The following RTF1 variants were observed in gnomAD, a reference collection of about 807,000 sequenced individuals.
RTF1 encodes RTF1 homolog, Paf1/RNA polymerase II complex component, also known as RNA polymerase-associated protein RTF1 homolog.
Under a neutral mutation model 95.7 loss-of-function variants are expected in RTF1, and 10 were observed. The ratio of observed to expected loss-of-function variants is 0.10; its 90% confidence interval spans 0.06 to 0.18. The LOEUF is 0.18. Among genes scored for constraint, RTF1 ranks in the 10% least tolerant of loss-of-function variants. RTF1 has a pLI of 1.00. For missense variants in RTF1, 458 were observed against 875.6 expected, an observed-to-expected ratio of 0.52 and a Z score of 6.02; for synonymous variants, 305 against 311.8, an observed-to-expected ratio of 0.98 and a Z score of 0.23.
chr15:41,431,634 A>T (rs149281353), intron 1 of RTF1, among the ~76,000 whole-genome samples: 2 of 151,728 alleles, frequency 1.3e-5, no homozygotes, highest in Non-Finnish European at 2.9e-5. Flanking sequence ...AGTAGCTGAG[A>T]CTATAGGCAT....
chr15:41,464,331 A>G (rs113443871), intron 4 of RTF1, among the ~76,000 whole-genome samples: 4,513 of 146,780 alleles, frequency 0.031, 249 homozygotes, highest in African/African-American at 0.11. Context: ...GCTCATTGCA[A>G]CCTCCCTCCC....
Position 41,483,191 on chromosome 15 carries a change from A to G in RTF1, c.*2504A>G, listed in dbSNP as rs1029085286. On this transcript the variant is annotated 3_prime_UTR_variant, in exon 18 of 18. Coordinates refer to ENST00000389629, the MANE Select transcript of RTF1 (RefSeq NM_015138.5). Reference sequence around the variant, plus strand: ...GTGCCTCTGAACCAAGATCTTGGTCAGGCATTAAGACACTGGCTTTGTCCT... The same window carrying G: ...GTGCCTCTGAACCAAGATCTTGGTCGGGCATTAAGACACTGGCTTTGTCCT... 6.6e-6 allele frequency: 1 copy of G among 152,610 alleles called. No individual in the cohort carries two copies. The highest frequency in any genetic ancestry group is 2.4e-5 in the African/African-American group (1 of 41,446). 9.5% of individuals were successfully genotyped at this position (152,610 alleles called of 1,614,324 possible).
intron 1 of RTF1, among the ~76,000 whole-genome samples, chr15:41,428,018 C>T (rs1030114409): frequency 6.6e-5 from 10 of 151,660 alleles, no homozygotes; most frequent in Admixed American, 5.9e-4. Flanking sequence ...ATCTCCTGAC[C>T]TCAGGTGATC....
intron 14 of RTF1, 50 bp downstream of exon 14, chr15:41,477,565 T>G: frequency 6.5e-7 from 1 of 1,531,094 alleles, no homozygotes; most frequent in South Asian, 1.1e-5. Context: ...TAATAAACCA[T>G]GACATCTTTT....
At chr15:41,476,582 T>G in intron 12 of RTF1, 59 bp downstream of exon 12, 2 of 1,469,750 alleles carry the variant, frequency 1.4e-6, no homozygotes, top group Non-Finnish European at 1.9e-6. Flanking sequence ...GAAATCAAAC[T>G]TGTTCATCCT....
At chr15:41,461,783 C>G (rs1012078781) in intron 4 of RTF1, among the ~76,000 whole-genome samples, 4 of 151,570 alleles carry the variant, frequency 2.6e-5, no homozygotes, top group African/African-American at 9.7e-5. Flanking sequence ...GCCACCGTGC[C>G]CGCCGGCCTG....
intron 6 of RTF1, among the ~76,000 whole-genome samples, chr15:41,468,113 C>T (rs370635848): frequency 4.9e-4 from 75 of 152,104 alleles, no homozygotes; most frequent in African/African-American, 1.8e-3. Context: ...TTGCAGTGAG[C>T]CAAGATCCTA....
chr15:41,470,816 G>T (rs564403426), intron 7 of RTF1, among the ~76,000 whole-genome samples: 2 of 151,854 alleles, frequency 1.3e-5, no homozygotes, highest in East Asian at 1.9e-4. Context: ...CCGCCACTAC[G>T]CCCGGCTAAT....
rs1217684670 is a variant in RTF1, at chr15:41,482,821, T to G, written c.*2134T>G. 1 of 152,518 alleles carries G rather than the reference T, an allele frequency of 6.6e-6. No individual in the cohort carries two copies. The highest frequency in any genetic ancestry group is 1.5e-5 in the Non-Finnish European group (1 of 68,042). 9.4% of individuals were successfully genotyped at this position (152,518 alleles called of 1,614,324 possible). On this transcript the variant is annotated 3_prime_UTR_variant, in exon 18 of 18. Transcript: ENST00000389629. ...TCCTATCATGATGAACTTGGACTTT[T>G]TTTTTTGATTTCTGGTTTTAAAAAA...
chr15:41,447,922 G>A (rs2050771661), intron 2 of RTF1, among the ~76,000 whole-genome samples: 1 of 152,154 alleles, frequency 6.6e-6, no homozygotes, highest in Admixed American at 6.6e-5. Flanking sequence ...CCTTCTGGAT[G>A]GGGAAAGTAT....
intron 1 of RTF1, among the ~76,000 whole-genome samples, chr15:41,436,049 G>A (rs542250393): frequency 6.6e-6 from 1 of 152,178 alleles, no homozygotes; most frequent in Admixed American, 6.6e-5. Flanking sequence ...GTTCACACCT[G>A]TAATCCCAGC....
intron 2 of RTF1, among the ~76,000 whole-genome samples, chr15:41,449,453 G>T (rs933435408): frequency 6.6e-6 from 1 of 151,892 alleles, no homozygotes; most frequent in Non-Finnish European, 1.5e-5. Flanking sequence ...GGATGGTGTC[G>T]ATCTCCTGAC....
At chr15:41,449,702 G>A (rs1242291974) in intron 2 of RTF1, among the ~76,000 whole-genome samples, 2 of 151,494 alleles carry the variant, frequency 1.3e-5, no homozygotes, top group African/African-American at 4.8e-5. Flanking sequence ...ACTGTGGTGT[G>A]TTTCTCTAGT....
intron 1 of RTF1, 66 bp from the exon 2 acceptor site, chr15:41,438,254 AT>A (rs2050714978): frequency 9.2e-7 from 1 of 1,089,262 alleles, no homozygotes; most frequent in African/African-American, 1.6e-5. Flanking sequence ...GAGGGTGGGC[AT>A]TTTATTATTC....
Position 41,479,192 on chromosome 15 carries a change from G to C in RTF1, c.1908G>C (p.Met636Ile). 6.2e-7 allele frequency: 1 copy of C among 1,611,916 alleles called. No homozygotes were observed. Among genetic ancestry groups the C allele is most frequent in the Non-Finnish European group, 8.5e-7 (1 of 1,178,296 alleles). The change falls in exon 16 of 18, where the codon ATG becomes ATC. Residue 636 changes from methionine (M) to isoleucine (I), a missense_variant. Coordinates refer to ENST00000389629, the MANE Select transcript of RTF1 (RefSeq NM_015138.5). ...SGVLPDAPKE[M>I]SKGQGKDKDL... is the part of the protein sequence containing the mutation. ...TGTTACCAGATGCTCCAAAGGAAATGAGCAAGGCAAGTGTGGTACCACCCT... is the reference window on the plus strand; with the variant it reads ...TGTTACCAGATGCTCCAAAGGAAATCAGCAAGGCAAGTGTGGTACCACCCT...
intron 2 of RTF1, among the ~76,000 whole-genome samples, chr15:41,441,570 GT>G (rs2050736130): frequency 2.0e-5 from 3 of 152,132 alleles, no homozygotes; most frequent in Non-Finnish European, 2.9e-5. Context: ...CACAACTTGT[GT>G]TAGAGGAGAT....
chr15:41,442,987 C>G (rs1211480481), intron 2 of RTF1, among the ~76,000 whole-genome samples: 3 of 152,158 alleles, frequency 2.0e-5, no homozygotes, highest in Non-Finnish European at 2.9e-5. Flanking sequence ...ATATATGTCT[C>G]TCATACCGTT....
intron 2 of RTF1, chr15:41,448,912 TCTCA>T (rs1270136962): frequency 1.3e-5 from 2 of 151,900 alleles, no homozygotes; most frequent in Non-Finnish European, 2.9e-5. Context: ...TGAGATCAGC[TCTCA>T]CTCTGTCACC....
At chr15:41,475,271 A>G (rs1441374748) in intron 9 of RTF1, among the ~76,000 whole-genome samples, 2 of 152,176 alleles carry the variant, frequency 1.3e-5, no homozygotes, top group East Asian at 3.9e-4. Flanking sequence ...CATATTGTTG[A>G]TGTTGACTGT....
Sources: allele counts gnomAD v4.1 joint callset (sites outside exome capture counted in the v4.1 genomes callset), GRCh38; gene constraint gnomAD v4.1.1; transcripts MANE v1.5; gene names NCBI Gene and HGNC (gene_info 2026-07-23, HGNC 2026-07-21).